The following CCDC178 variants were observed in gnomAD, a reference collection of about 807,000 sequenced individuals.
CCDC178 encodes coiled-coil domain-containing protein 178.
CCDC178 carries 126 observed loss-of-function variants against 117.4 expected under a neutral mutation model. The observed-to-expected ratio is 1.07, with a 90% CI of 0.93 to 1.24. The LOEUF (loss-of-function observed/expected upper bound fraction) is 1.24. CCDC178 is among the 50% of genes most tolerant of loss of function. The pLI, the probability that CCDC178 is intolerant of heterozygous loss-of-function variation, is 0.00. For missense variants in CCDC178, 1,030 were observed against 986.9 expected, an observed-to-expected ratio of 1.04 and a Z score of -0.59; for synonymous variants, 283 against 313.4, an observed-to-expected ratio of 0.90 and a Z score of 1.02.
intron 20 of CCDC178, among the ~76,000 whole-genome samples, chr18:33,126,966 A>AT (rs2058012322): frequency 6.9e-6 from 1 of 145,610 alleles, no homozygotes; most frequent in East Asian, 2.0e-4. Flanking sequence ...CAACTACTGT[A>AT]TTTTTTATCT....
At chr18:33,026,651 G>C (rs1294848712) in intron 21 of CCDC178, among the ~76,000 whole-genome samples, 1 of 151,874 alleles carries the variant, frequency 6.6e-6, no homozygotes, top group Non-Finnish European at 1.5e-5. Context: ...TAAAGCAGTA[G>C]CTATGGATTG....
intron 20 of CCDC178, among the ~76,000 whole-genome samples, chr18:33,211,048 A>AGTAATGGAAATATTGAT (rs2059101721): frequency 6.6e-6 from 1 of 151,998 alleles, no homozygotes; most frequent in South Asian, 2.1e-4. Context: ...AAGTAGGGAA[A>AGTAATGGAAATATTGAT]GTAATGGAAA....
At chr18:32,985,333 G>A (rs2055240714) in intron 21 of CCDC178, among the ~76,000 whole-genome samples, 1 of 151,944 alleles carries the variant, frequency 6.6e-6, no homozygotes, top group Admixed American at 6.6e-5. Flanking sequence ...ATGCGGGACA[G>A]CCTAAGTGTG....
chr18:33,103,208 A>G (rs1567990169), intron 20 of CCDC178, among the ~76,000 whole-genome samples: 2 of 151,738 alleles, frequency 1.3e-5, no homozygotes, highest in Non-Finnish European at 2.9e-5. Flanking sequence ...TGACAGCAAG[A>G]GAAAATAAGG....
chr18:33,126,489 T>A (rs191353001), intron 20 of CCDC178, among the ~76,000 whole-genome samples: 2,381 of 150,920 alleles, frequency 0.016, 29 homozygotes, highest in Middle Eastern at 0.032. Flanking sequence ...GAAATTCTAG[T>A]ATCTTGGTAT....
In CCDC178 at chr18:33,292,555, C is replaced by A. The variant is rs572006407; in HGVS notation, c.1176+604G>T. Among the ~76,000 whole-genome samples, 99 of 152,012 alleles carry A rather than the reference C, an allele frequency of 6.5e-4. 1 individual carries two copies. Among genetic ancestry groups the A allele is most frequent in the African/African-American group, 2.3e-3 (95 of 41,500 alleles). On this transcript the variant is annotated intron_variant, in intron 12 of 22. Coordinates refer to ENST00000383096, the MANE Select transcript of CCDC178 (RefSeq NM_001105528.4). ...ATAATAATTCATTCTGTATTTTCCACGAGGATTTTCAAAATCCTCGAAAGA... is the reference window on the plus strand; with the variant it reads ...ATAATAATTCATTCTGTATTTTCCAAGAGGATTTTCAAAATCCTCGAAAGA...
At chr18:33,337,775 C>T (rs1351343259) in intron 9 of CCDC178, among the ~76,000 whole-genome samples, 2 of 152,122 alleles carry the variant, frequency 1.3e-5, no homozygotes, top group African/African-American at 2.4e-5. Context: ...GGATCAAAGA[C>T]TTAGATCTAA....
chr18:33,260,437 G>C (rs1020079726), intron 14 of CCDC178, among the ~76,000 whole-genome samples: 13 of 150,086 alleles, frequency 8.7e-5, no homozygotes, highest in Non-Finnish European at 1.6e-4. Context: ...AATTATTTTT[G>C]TTATTTTATA....
intron 14 of CCDC178, among the ~76,000 whole-genome samples, chr18:33,265,868 G>A (rs1020592812): frequency 2.6e-5 from 4 of 151,972 alleles, no homozygotes; most frequent in East Asian, 3.9e-4. Flanking sequence ...CAGACATGAC[G>A]ATAGCTTGTA....
intron 20 of CCDC178, among the ~76,000 whole-genome samples, chr18:33,144,077 T>G (rs957398018): frequency 6.6e-6 from 1 of 152,128 alleles, no homozygotes; most frequent in African/African-American, 2.4e-5. Context: ...TAGATGATAT[T>G]CTTCCCTATC....
intron 21 of CCDC178, among the ~76,000 whole-genome samples, chr18:33,060,523 T>A (rs968030139): frequency 6.6e-6 from 1 of 151,738 alleles, no homozygotes. Flanking sequence ...AACAAATTTG[T>A]ACTTTTTAAA....
At chr18:32,946,119 A>G (rs1452432345) in intron 22 of CCDC178, among the ~76,000 whole-genome samples, 3 of 152,168 alleles carry the variant, frequency 2.0e-5, no homozygotes, top group African/African-American at 7.2e-5. Flanking sequence ...TCCTCACACC[A>G]CTGAAATTCC....
intron 14 of CCDC178, among the ~76,000 whole-genome samples, chr18:33,264,394 A>G (rs1206240683): frequency 6.6e-6 from 1 of 152,028 alleles, no homozygotes; most frequent in Non-Finnish European, 1.5e-5. Flanking sequence ...GATATATAGT[A>G]GACCTGACTC....
At chr18:33,003,090 C>G (rs1229399439) in intron 21 of CCDC178, among the ~76,000 whole-genome samples, 1 of 152,010 alleles carries the variant, frequency 6.6e-6, no homozygotes, top group East Asian at 1.9e-4. Context: ...CTGAATTTTA[C>G]CAAACATTTA....
At chr18:33,113,082 CT>C (rs1326350268) in intron 20 of CCDC178, among the ~76,000 whole-genome samples, 1 of 151,864 alleles carries the variant, frequency 6.6e-6, no homozygotes, top group Non-Finnish European at 1.5e-5. Context: ...CTAAGAATTT[CT>C]TTTTAATTCC....
rs74692403 is a variant in CCDC178, at chr18:32,983,570, C to T, written c.2389-8889G>A. On this transcript the variant is annotated intron_variant, in intron 21 of 22. Coordinates refer to ENST00000383096, the MANE Select transcript of CCDC178 (RefSeq NM_001105528.4). The stretch of plus-strand genomic sequence containing the variant: ...TCATATTTAAAGCTTTGACAAAATA[C>T]GATAAAGGCCATCTGGAAAAAATAA... 9.5e-3 allele frequency among the ~76,000 whole-genome samples: 1,438 copies of T among 151,944 alleles called. 22 individuals carry two copies. Among genetic ancestry groups the T allele is most frequent in the African/African-American group, 0.033 (1,358 of 41,480 alleles).
chr18:33,053,454 A>C (rs1421115668), intron 21 of CCDC178, among the ~76,000 whole-genome samples: 2 of 152,232 alleles, frequency 1.3e-5, no homozygotes, highest in Non-Finnish European at 2.9e-5. Flanking sequence ...CTTTGTGATG[A>C]AAACTGTATT....
At chr18:32,995,508 A>C (rs2055483838) in intron 21 of CCDC178, among the ~76,000 whole-genome samples, 1 of 152,152 alleles carries the variant, frequency 6.6e-6, no homozygotes, top group Non-Finnish European at 1.5e-5. Flanking sequence ...AGAGGCCTAA[A>C]TGAAAACCAG....
chr18:33,103,323 T>C (rs2057657774), intron 20 of CCDC178, among the ~76,000 whole-genome samples: 1 of 151,548 alleles, frequency 6.6e-6, no homozygotes, highest in Non-Finnish European at 1.5e-5. Context: ...TTACATTATC[T>C]CCCAACAGGT....
Sources: allele counts gnomAD v4.1 joint callset (sites outside exome capture counted in the v4.1 genomes callset), GRCh38; gene constraint gnomAD v4.1.1; transcripts MANE v1.5; gene names NCBI Gene and HGNC (gene_info 2026-07-23, HGNC 2026-07-21).